The following MCCC2 variants were observed in gnomAD, a reference collection of about 807,000 sequenced individuals.
MCCC2 encodes methylcrotonoyl-CoA carboxylase beta chain, mitochondrial.
In MCCC2, 52 loss-of-function variants were observed where a neutral mutation model predicts 77.2. That is an observed-to-expected ratio of 0.67 (90% CI 0.54 to 0.85). The LOEUF is 0.85. Ranked by LOEUF, MCCC2 falls within the 40% of genes least tolerant of loss-of-function variation. The pLI, the probability that MCCC2 is intolerant of heterozygous loss-of-function variation, is 0.00. For synonymous variants in MCCC2, 253 were observed against 248.4 expected (o/e 1.02, Z -0.18); for missense variants, 682 against 703.2 (o/e 0.97, Z 0.34).
intron 11 of MCCC2, among the ~76,000 whole-genome samples, chr5:71,643,278 A>G (rs894581539): frequency 1.3e-5 from 2 of 151,334 alleles, no homozygotes; most frequent in Non-Finnish European, 2.9e-5. Flanking sequence ...GCTACTCAGG[A>G]GGCTGAGGTA....
chr5:71,614,099 A>G (rs1248503192), intron 6 of MCCC2, among the ~76,000 whole-genome samples: 1 of 150,476 alleles, frequency 6.6e-6, no homozygotes, highest in Non-Finnish European at 1.5e-5. Context: ...ATTTTTTTCT[A>G]TTTCCCTTAA....
chr5:71,638,713 G>T (rs1747013747), intron 10 of MCCC2, among the ~76,000 whole-genome samples: 1 of 152,138 alleles, frequency 6.6e-6, no homozygotes, highest in South Asian at 2.1e-4. Context: ...TAGAGACAGG[G>T]TTTTACCATA....
chr5:71,617,491 T>G (rs1309511881), intron 6 of MCCC2, among the ~76,000 whole-genome samples: 2 of 152,236 alleles, frequency 1.3e-5, no homozygotes, highest in Non-Finnish European at 2.9e-5. Context: ...CCTGAGATGG[T>G]ACTTACTTAA....
chr5:71,625,800 C>T (rs976943047), intron 6 of MCCC2, among the ~76,000 whole-genome samples: 7 of 152,138 alleles, frequency 4.6e-5, no homozygotes, highest in Non-Finnish European at 1.5e-5. Context: ...TTTGATTATA[C>T]CAGTATGGCA....
At chr5:71,656,705 G>A (rs771418509) in intron 16 of MCCC2, 38 bp from the exon 17 acceptor site, 3 of 1,505,784 alleles carry the variant, frequency 2.0e-6, no homozygotes, top group Admixed American at 3.3e-5. Flanking sequence ...TGGTAGTTTG[G>A]TGGTAAATTC....
chr5:71,625,699 A>G (rs948551222), intron 6 of MCCC2, among the ~76,000 whole-genome samples: 2 of 152,214 alleles, frequency 1.3e-5, no homozygotes, highest in African/African-American at 4.8e-5. Context: ...AGCCACTTTC[A>G]ATAACATACA....
rs531493787 is a variant in MCCC2 at position 71,641,773 on chromosome 5, A to C, written c.1072+698A>C. The stretch of plus-strand genomic sequence containing the variant: ...AACTTGAAAATATAGTAGTTAGTCA[A>C]AGGTAATACCAGAGTAGGAAAAAAA... On this transcript the variant is annotated intron_variant, in intron 11 of 16. Coordinates refer to ENST00000340941, the MANE Select transcript of MCCC2 (RefSeq NM_022132.5). Among the ~76,000 whole-genome samples, 5 of 152,356 alleles carry C rather than the reference A, an allele frequency of 3.3e-5. No homozygotes were observed. In the East Asian group the frequency reaches 9.6e-4, roughly 29 times the overall value.
At chr5:71,632,292 C>A in intron 8 of MCCC2, 107 bp downstream of exon 8, 1 of 1,000,756 alleles carries the variant, frequency 1.0e-6, no homozygotes, top group Non-Finnish European at 1.6e-6. Flanking sequence ...CCAGACCACA[C>A]CACAGTTTAT....
At chr5:71,620,076 C>G (rs1338706058) in intron 6 of MCCC2, among the ~76,000 whole-genome samples, 1 of 152,012 alleles carries the variant, frequency 6.6e-6, no homozygotes, top group Non-Finnish European at 1.5e-5. Context: ...CTTTGAGGCT[C>G]TCTGACAAAA....
chr5:71,602,599 T>A lies in MCCC2; in HGVS notation c.477T>A (p.Ile159=). ...AAAAACAATTACGGGCCCAAGAAAT[T>A]GCCATGCAAAACAGGCTCCCCTGCA... ...TVKKQLRAQE[I]AMQNRLPCIY... is the part of the protein sequence containing the mutation. Residue 159 remains isoleucine, a synonymous_variant, in exon 5 of 17, where the codon ATT becomes ATA. Transcript: ENST00000340941. 6.2e-7 allele frequency: 1 copy of A among 1,614,112 alleles called. No individual in the cohort carries two copies. The highest frequency in any genetic ancestry group is 8.5e-7 in the Non-Finnish European group (1 of 1,180,014).
Position 71,626,733 on chromosome 5 carries a change from T to C in MCCC2, c.718T>C (p.Phe240Leu). 1.2e-6 allele frequency: 2 copies of C among 1,614,202 alleles called. No homozygotes were observed. The highest frequency in any genetic ancestry group is 1.7e-6 in the Non-Finnish European group (2 of 1,180,030). ...CATTGTACGCAAGCAGGGTACCATT[T>C]TCTTGGCAGGACCCCCCTTGGTAAG... ...NIIVRKQGTI[F>L]LAGPPLVKAA... is the part of the protein sequence containing the mutation. The change falls in exon 7 of 17, where the codon TTC becomes CTC. Residue 240 changes from phenylalanine to leucine, a missense_variant. Transcript: ENST00000340941.
chr5:71,591,717 G>A (rs958782958), intron 1 of MCCC2, among the ~76,000 whole-genome samples: 6 of 151,726 alleles, frequency 4.0e-5, no homozygotes, highest in South Asian at 4.2e-4. Context: ...GATTACAGGC[G>A]TGAGCCACCA....
chr5:71,647,663 G>A (rs1227619267), intron 13 of MCCC2, among the ~76,000 whole-genome samples: 1 of 152,164 alleles, frequency 6.6e-6, no homozygotes. Flanking sequence ...CAGGAGAGGT[G>A]TTTTAGGTAG....
At chr5:71,627,490 G>C (rs552369626) in intron 7 of MCCC2, among the ~76,000 whole-genome samples, 1 of 152,294 alleles carries the variant, frequency 6.6e-6, no homozygotes, top group Admixed American at 6.5e-5. Context: ...CAGTTGATGG[G>C]CATTTAGGTT....
chr5:71,636,057 T>A (rs1341532230), intron 10 of MCCC2: 1 of 372,204 alleles, frequency 2.7e-6, no homozygotes, highest in Non-Finnish European at 5.4e-6. Context: ...TATTTTTTTG[T>A]TTTACTTTTT....
intron 7 of MCCC2, among the ~76,000 whole-genome samples, chr5:71,631,185 A>G (rs889875562): frequency 6.6e-6 from 1 of 152,224 alleles, no homozygotes; most frequent in Non-Finnish European, 1.5e-5. Context: ...AATAAATCAC[A>G]GTTCCTGCCA....
At chr5:71,618,102 T>C (rs1746227435) in intron 6 of MCCC2, among the ~76,000 whole-genome samples, 1 of 152,198 alleles carries the variant, frequency 6.6e-6, no homozygotes, top group Non-Finnish European at 1.5e-5. Context: ...CTGGGCCTTC[T>C]CCATATCTGA....
intron 8 of MCCC2, among the ~76,000 whole-genome samples, chr5:71,632,755 C>G (rs1746763613): frequency 6.6e-6 from 1 of 152,066 alleles, no homozygotes; most frequent in South Asian, 2.1e-4. Context: ...AACATGATGC[C>G]TCTATGTGGA....
In MCCC2 at chr5:71,649,136, C is replaced by G. The variant is rs1203075790; in HGVS notation, c.1256C>G (p.Ala419Gly). Reference protein sequence around the residue: ...VGREYEAEGIAKDGAKMVAAV... With the variant: ...VGREYEAEGIGKDGAKMVAAV... ...AGAGAGTATGAAGCTGAAGGAATTGCCAAGGATGGTGCCAAGATGGTGGCC... is the reference window on the plus strand; with the variant it reads ...AGAGAGTATGAAGCTGAAGGAATTGGCAAGGATGGTGCCAAGATGGTGGCC... Residue 419 changes from alanine (A) to glycine (G), a missense_variant, in exon 14 of 17, where the codon GCC (alanine) becomes GGC (glycine). Ala to Gly is a moderately conservative substitution (Grantham distance 60, BLOSUM62 0). Transcript: ENST00000340941. The G allele has an allele frequency of 1.2e-6, 2 of 1,614,082 alleles. No individual in the cohort carries two copies. The highest frequency in any genetic ancestry group is 8.5e-7 in the Non-Finnish European group (1 of 1,180,038).
Sources: allele counts gnomAD v4.1 joint callset (sites outside exome capture counted in the v4.1 genomes callset), GRCh38; gene constraint gnomAD v4.1.1; transcripts MANE v1.5; gene names NCBI Gene and HGNC (gene_info 2026-07-23, HGNC 2026-07-21).